TACR3: variants seen among roughly 807,000 people sequenced by gnomAD.
The protein encoded by TACR3 is neuromedin-K receptor.
TACR3 carries 34 observed loss-of-function variants against 35.0 expected under a neutral mutation model. The observed-to-expected ratio is 0.97, with a 90% CI of 0.74 to 1.30. TACR3 has a LOEUF of 1.30. Ranked by LOEUF, TACR3 falls within the 50% of genes most tolerant of loss-of-function variation. The pLI is 0.00. For synonymous variants in TACR3, 233 were observed against 221.1 expected (o/e 1.05, Z -0.48); for missense variants, 558 against 591.7 (o/e 0.94, Z 0.59).
intron 3 of TACR3, among the ~76,000 whole-genome samples, chr4:103,609,087 G>T (rs180738562): frequency 6.6e-6 from 1 of 152,186 alleles, no homozygotes; most frequent in East Asian, 1.9e-4. Flanking sequence ...GCTGCCTCTA[G>T]GGTGGCCAAA....
chr4:103,662,354 G>A (rs1357125722), intron 1 of TACR3, among the ~76,000 whole-genome samples: 2 of 151,884 alleles, frequency 1.3e-5, no homozygotes, highest in Admixed American at 1.3e-4. Context: ...CTGAGTAGCT[G>A]GGACTACAGA....
At chr4:103,604,964 A>G (rs1360428082) in intron 3 of TACR3, among the ~76,000 whole-genome samples, 10 of 142,146 alleles carry the variant, frequency 7.0e-5, no homozygotes, top group African/African-American at 2.6e-4. Context: ...ATATCTCCCA[A>G]TGCTATCCCT....
rs553538936 is a variant in TACR3 at position 103,691,658 on chromosome 4, C to G, written c.548+27470G>C. ...AATCTCTGCAGCACTGTAACATATT[C>G]ATAATGGCCCTAATGCCCAAGCTGG... On this transcript the variant is annotated intron_variant, in intron 1 of 4. Transcript: ENST00000304883. 2.0e-5 allele frequency among the ~76,000 whole-genome samples: 3 copies of G among 152,272 alleles called. No homozygotes were observed. In the East Asian group the frequency reaches 5.8e-4, roughly 29 times the overall value.
At chr4:103,637,337 C>A (rs896435079) in intron 3 of TACR3, among the ~76,000 whole-genome samples, 8 of 152,064 alleles carry the variant, frequency 5.3e-5, no homozygotes, top group Non-Finnish European at 1.2e-4. Flanking sequence ...ACGACAAAAA[C>A]CACGTGATTA....
intron 3 of TACR3, among the ~76,000 whole-genome samples, chr4:103,655,416 C>G (rs1447138555): frequency 6.6e-6 from 1 of 152,186 alleles, no homozygotes; most frequent in Admixed American, 6.6e-5. Flanking sequence ...GATAAAACCT[C>G]TCCAAGATGC....
chr4:103,618,712 T>G (rs955640267), intron 3 of TACR3, among the ~76,000 whole-genome samples: 1 of 152,008 alleles, frequency 6.6e-6, no homozygotes, highest in East Asian at 1.9e-4. Flanking sequence ...CGATATTGAA[T>G]TCCTCCAATC....
chr4:103,612,999 A>T (rs1473123533), intron 3 of TACR3, among the ~76,000 whole-genome samples: 1 of 152,230 alleles, frequency 6.6e-6, no homozygotes, highest in Non-Finnish European at 1.5e-5. Context: ...CTTAAACATC[A>T]TATGGGCTTC....
chr4:103,667,542 A>G (rs772974119), intron 1 of TACR3, among the ~76,000 whole-genome samples: 13 of 152,156 alleles, frequency 8.5e-5, no homozygotes, highest in Non-Finnish European at 1.6e-4. Flanking sequence ...GGATACTCCA[A>G]TAACTCTGAT....
intron 3 of TACR3, among the ~76,000 whole-genome samples, chr4:103,640,210 T>C (rs1260755616): frequency 6.6e-6 from 1 of 152,112 alleles, no homozygotes; most frequent in Non-Finnish European, 1.5e-5. Flanking sequence ...TGTCTGACTC[T>C]GTAGTTTATG....
intron 3 of TACR3, among the ~76,000 whole-genome samples, chr4:103,632,919 G>A (rs1725099349): frequency 6.6e-6 from 1 of 151,908 alleles, no homozygotes; most frequent in South Asian, 2.1e-4. Flanking sequence ...CAGAACTAGA[G>A]GGATATAATT....
At chr4:103,608,301 C>G (rs1724432048) in intron 3 of TACR3, among the ~76,000 whole-genome samples, 1 of 151,920 alleles carries the variant, frequency 6.6e-6, no homozygotes, top group Non-Finnish European at 1.5e-5. Context: ...TGAATTAAAA[C>G]CGAAATAGAA....
chr4:103,654,917 G>A (rs926825690), intron 3 of TACR3, among the ~76,000 whole-genome samples: 5 of 152,126 alleles, frequency 3.3e-5, no homozygotes, highest in African/African-American at 1.2e-4. Flanking sequence ...TACTGTTCAT[G>A]TAAGAGGGCC....
In TACR3 at chr4:103,627,822, C is replaced by T. The variant is rs182373797; in HGVS notation, c.888+28372G>A. Among the ~76,000 whole-genome samples the T allele has an allele frequency of 9.9e-5, 15 of 152,262 alleles. No individual in the cohort carries two copies. In the East Asian group the frequency reaches 2.9e-3, roughly 29 times the overall value. ...ATAGACATCTGCATAACTCTCCACC[C>T]CCATATCAACAGAATATACATTCTT... is the stretch of plus-strand genomic sequence containing the variant. On this transcript the variant is annotated intron_variant, in intron 3 of 4. Transcript: ENST00000304883.
chr4:103,596,523 T>A (rs1013049820), intron 3 of TACR3, among the ~76,000 whole-genome samples: 2 of 152,118 alleles, frequency 1.3e-5, no homozygotes, highest in Non-Finnish European at 2.9e-5. Context: ...TTCTAAATGC[T>A]TGGAATAAAA....
intron 1 of TACR3, among the ~76,000 whole-genome samples, chr4:103,673,998 G>C (rs987232328): frequency 8.5e-5 from 13 of 152,080 alleles, no homozygotes; most frequent in African/African-American, 3.1e-4. Flanking sequence ...AGATGAAAAG[G>C]GAGTGGCAAA....
intron 3 of TACR3, among the ~76,000 whole-genome samples, chr4:103,629,294 A>G (rs1225999151): frequency 1.3e-5 from 2 of 152,108 alleles, no homozygotes; most frequent in African/African-American, 2.4e-5. Flanking sequence ...GGACAGGGCA[A>G]TCAGGCAGGA....
At chr4:103,637,069 T>A (rs1226099972) in intron 3 of TACR3, among the ~76,000 whole-genome samples, 1 of 151,946 alleles carries the variant, frequency 6.6e-6, no homozygotes, top group Non-Finnish European at 1.5e-5. Context: ...AAAGAGGGAA[T>A]CCTCCCTAAC....
In TACR3 at chr4:103,598,154, G is replaced by A. The variant is rs375796315; in HGVS notation, c.889-6471C>T. Among the ~76,000 whole-genome samples the A allele has an allele frequency of 4.6e-5, 7 of 152,260 alleles. No individual in the cohort carries two copies. In the South Asian group the frequency reaches 8.3e-4, roughly 18 times the overall value. ...TTTAATGATCACCATTCTAACTGGT[G>A]TGAGATGGTATCTCATTGTGGTTTT... On this transcript the variant is annotated intron_variant, in intron 3 of 4. Coordinates refer to ENST00000304883, the MANE Select transcript of TACR3 (RefSeq NM_001059.3).
chr4:103,666,448 T>G (rs148166795), intron 1 of TACR3, among the ~76,000 whole-genome samples: 18 of 152,282 alleles, frequency 1.2e-4, no homozygotes, highest in African/African-American at 4.3e-4. Context: ...AAGCTAGAGA[T>G]TTAGGTATTA....
Sources: allele counts gnomAD v4.1 joint callset (sites outside exome capture counted in the v4.1 genomes callset), GRCh38; gene constraint gnomAD v4.1.1; transcripts MANE v1.5; gene names NCBI Gene and HGNC (gene_info 2026-07-23, HGNC 2026-07-21).